Variants in NRXN3 observed in about 807,000 individuals in gnomAD.
NRXN3 encodes neurexin III.
Under a neutral mutation model 137.6 loss-of-function variants are expected in NRXN3, and 32 were observed. The observed-to-expected ratio is 0.23, with a 90% CI of 0.18 to 0.31. The LOEUF is 0.31. Among genes scored for constraint, NRXN3 ranks in the 10% least tolerant of loss-of-function variants. The pLI, the probability that NRXN3 is intolerant of heterozygous loss-of-function variation, is 1.00. For synonymous variants in NRXN3, 798 were observed against 784.5 expected, an observed-to-expected ratio of 1.02 and a Z score of -0.29; for missense variants, 1,574 against 2,062.5, an observed-to-expected ratio of 0.76 and a Z score of 4.59.
chr14:79,340,557 C>G (rs1374089773), intron 15 of NRXN3, among the ~76,000 whole-genome samples: 1 of 152,210 alleles, frequency 6.6e-6, no homozygotes, highest in Non-Finnish European at 1.5e-5. Context: ...CCTCCACCTT[C>G]CAGGTTCAAG....
intron 15 of NRXN3, among the ~76,000 whole-genome samples, chr14:79,296,895 C>T (rs1415967231): frequency 1.3e-5 from 2 of 152,208 alleles, no homozygotes; most frequent in Non-Finnish European, 2.9e-5. Context: ...TGTGGCCTAG[C>T]AGTTCCTGCG....
chr14:78,832,874 T>C (rs1270049066), intron 10 of NRXN3, among the ~76,000 whole-genome samples: 4 of 152,196 alleles, frequency 2.6e-5, no homozygotes, highest in Admixed American at 2.0e-4. Flanking sequence ...TGGATAACAT[T>C]GATCCTGTTG....
At chr14:79,509,201 A>G (rs927269679) in intron 16 of NRXN3, among the ~76,000 whole-genome samples, 7 of 151,790 alleles carry the variant, frequency 4.6e-5, no homozygotes, top group Non-Finnish European at 8.8e-5. Flanking sequence ...CTCAAAAATA[A>G]TAATAATAAT....
chr14:79,178,175 T>G (rs1451110654), intron 15 of NRXN3, among the ~76,000 whole-genome samples: 1 of 152,208 alleles, frequency 6.6e-6, no homozygotes, highest in Non-Finnish European at 1.5e-5. Flanking sequence ...TTGGGCAGCC[T>G]GAGTTGCATT....
chr14:78,335,436 C>G (rs2081348742), intron 4 of NRXN3, among the ~76,000 whole-genome samples: 1 of 152,212 alleles, frequency 6.6e-6, no homozygotes, highest in African/African-American at 2.4e-5. Context: ...GGACTCTGCC[C>G]AAGCTGAGCC....
chr14:78,554,700 C>T (rs2096722370), intron 4 of NRXN3, among the ~76,000 whole-genome samples: 1 of 152,158 alleles, frequency 6.6e-6, no homozygotes, highest in Non-Finnish European at 1.5e-5. Flanking sequence ...ATTTTTCACC[C>T]ACAGGATGCT....
chr14:79,013,056 G>C (rs2099573740), intron 15 of NRXN3, among the ~76,000 whole-genome samples: 1 of 152,166 alleles, frequency 6.6e-6, no homozygotes, highest in Non-Finnish European at 1.5e-5. Context: ...GTATGTGTAT[G>C]TATGAAGTAG....
intron 16 of NRXN3, among the ~76,000 whole-genome samples, chr14:79,561,497 G>A (rs1167110814): frequency 6.6e-6 from 1 of 152,050 alleles, no homozygotes; most frequent in Admixed American, 6.6e-5. Flanking sequence ...TGAGAAAAAG[G>A]GTCTATGTTT....
chr14:79,472,632 C>CA (rs2096524695), intron 16 of NRXN3, among the ~76,000 whole-genome samples: 1 of 152,112 alleles, frequency 6.6e-6, no homozygotes. Context: ...AAATCTATTT[C>CA]AAATGTTAGT....
At chr14:79,523,746 C>T (rs933765745) in intron 16 of NRXN3, among the ~76,000 whole-genome samples, 1 of 152,162 alleles carries the variant, frequency 6.6e-6, no homozygotes, top group African/African-American at 2.4e-5. Flanking sequence ...GATTTAGGGA[C>T]TAAGGTGGTT....
intron 10 of NRXN3, among the ~76,000 whole-genome samples, chr14:78,868,179 C>A (rs1055233030): frequency 1.3e-5 from 2 of 151,676 alleles, no homozygotes; most frequent in Non-Finnish European, 2.9e-5. Flanking sequence ...ATCTTTCTCC[C>A]CTGTATAGGC....
rs371749035 is a variant in NRXN3, at chr14:79,862,499, A to AC, written c.*538dup. ...AAAACAAAAACAAACAAAAAAAAAA[A>AC]CCCACAACCCTTATCTGGTTCTGAC... is the stretch of plus-strand genomic sequence containing the variant. On this transcript the variant is annotated 3_prime_UTR_variant, in exon 21 of 21. Coordinates refer to ENST00000335750, the MANE Select transcript of NRXN3 (RefSeq NM_001330195.2). 6.6e-6 allele frequency: 1 copy of AC among 152,588 alleles called. No homozygotes were observed. Among genetic ancestry groups the AC allele is most frequent in the South Asian group, 2.1e-4 (1 of 4,824 alleles). 9.5% of individuals were successfully genotyped at this position (152,588 alleles called of 1,614,324 possible). A position where few individuals can be genotyped will look rare whatever the true frequency, so the allele number is the denominator to read the frequency against.
intron 1 of NRXN3, among the ~76,000 whole-genome samples, chr14:78,185,159 A>G (rs1163956760): frequency 6.6e-6 from 1 of 152,204 alleles, no homozygotes; most frequent in East Asian, 1.9e-4. Flanking sequence ...AGAGAAGAGT[A>G]ATGGTTGACA....
intron 10 of NRXN3, among the ~76,000 whole-genome samples, chr14:78,830,320 C>T (rs2098978214): frequency 1.3e-5 from 2 of 152,026 alleles, no homozygotes; most frequent in Admixed American, 1.3e-4. Context: ...TTCTCATATC[C>T]ATTTTTATGG....
chr14:78,190,170 T>C (rs2060582808), intron 1 of NRXN3, among the ~76,000 whole-genome samples: 1 of 152,202 alleles, frequency 6.6e-6, no homozygotes, highest in Non-Finnish European at 1.5e-5. Context: ...CATTGTTACA[T>C]TGGGCCACTT....
chr14:79,007,349 T>G (rs1186631961), intron 15 of NRXN3, among the ~76,000 whole-genome samples: 1 of 152,090 alleles, frequency 6.6e-6, no homozygotes, highest in Non-Finnish European at 1.5e-5. Flanking sequence ...AGGGTTGTCG[T>G]TTCTGTCAAC....
At chr14:78,352,341 A>G (rs1055012200) in intron 4 of NRXN3, among the ~76,000 whole-genome samples, 5 of 152,108 alleles carry the variant, frequency 3.3e-5, no homozygotes, top group South Asian at 2.1e-4. Context: ...CAGCTCCTCT[A>G]TATGTCCTTA....
chr14:79,634,234 A>AT (rs1191725745), intron 16 of NRXN3, among the ~76,000 whole-genome samples: 1 of 152,202 alleles, frequency 6.6e-6, no homozygotes, highest in Non-Finnish European at 1.5e-5. Context: ...ACTTCATGCT[A>AT]CTATCTATCC....
chr14:79,028,006 T>G (rs994054846), intron 15 of NRXN3, among the ~76,000 whole-genome samples: 5 of 152,144 alleles, frequency 3.3e-5, no homozygotes, highest in African/African-American at 1.2e-4. Context: ...ATTTATACAA[T>G]GGGGATGATA....
Sources: gnomAD v4.1 joint callset for allele counts (sites outside exome capture counted in the v4.1 genomes callset) on GRCh38, gnomAD v4.1.1 for gene constraint, MANE v1.5 for transcripts, NCBI Gene and HGNC (gene_info 2026-07-23, HGNC 2026-07-21) for gene names.